The following GPR162 variants were observed in gnomAD, a reference collection of about 807,000 sequenced individuals.
The protein encoded by GPR162 is probable G protein-coupled receptor 162.
A neutral mutation model predicts 44.9 loss-of-function variants in GPR162; 26 were observed. That is an observed-to-expected ratio of 0.58 (90% confidence interval 0.42 to 0.80). The LOEUF is 0.80. GPR162 is among the 30% of genes least tolerant of loss of function. GPR162 has a pLI of 0.00. For synonymous variants in GPR162, 363 were observed against 335.2 expected (o/e 1.08, Z -0.91); for missense variants, 704 against 802.3 (o/e 0.88, Z 1.48).
rs782093890 is a variant in GPR162, at chr12:6,826,177, T to G, written c.1058-19T>G. ...AGGCATTCCCTACCTGTAACCACTC[T>G]GCCCATTTTCTCTCCTAGATGGGGG... is the stretch of plus-strand genomic sequence containing the variant. On this transcript the variant is annotated intron_variant, in intron 3 of 4. Coordinates refer to ENST00000311268, the MANE Select transcript of GPR162 (RefSeq NM_019858.2). The G allele has an allele frequency of 6.2e-7, 1 of 1,608,456 alleles. No individual in the cohort carries two copies. The highest frequency in any genetic ancestry group is 2.2e-5 in the East Asian group (1 of 44,822).
Position 6,824,318 on chromosome 12 carries a change from C to T in GPR162, c.420C>T (p.Gly140=). The T allele has an allele frequency of 6.2e-7, 1 of 1,614,068 alleles. No individual in the cohort carries two copies. The highest frequency in any genetic ancestry group is 8.5e-7 in the Non-Finnish European group (1 of 1,179,954). Residue 140 remains glycine (G), a synonymous_variant, in exon 2 of 5, where the codon GGC becomes GGT. Coordinates refer to ENST00000311268, the MANE Select transcript of GPR162 (RefSeq NM_019858.2). ...AGCAGGCACTGCATGCCGTCATGGGCATCTGGATGGTCAGCTTCATCCTCT... is the reference window on the plus strand; with the variant it reads ...AGCAGGCACTGCATGCCGTCATGGGTATCTGGATGGTCAGCTTCATCCTCT... The part of the protein sequence containing the change: ...AKKQALHAVM[G]IWMVSFILST...
At chr12:6,825,806 C>G in intron 3 of GPR162, 133 bp downstream of exon 3, 1 of 748,434 alleles carries the variant, frequency 1.3e-6, no homozygotes, top group Non-Finnish European at 2.2e-6. Context: ...CCTGGGCTCC[C>G]CTTTCCCTAA....
rs1943327238 is a variant in GPR162 at position 6,824,607 on chromosome 12, C to T, written c.709C>T (p.Pro237Ser). ...AGGPGALGTR[P>S]AFEVPAIVVE... The stretch of plus-strand genomic sequence containing the variant: ...TGGGCCAGGGGCCTTGGGTACCCGG[C>T]CAGCTTTTGAGGTACCAGCCATTGT... Residue 237 changes from proline to serine, a missense_variant, in exon 2 of 5, where the codon CCA (proline) becomes TCA (serine). Physicochemically the swap from Pro to Ser is moderately conservative, Grantham distance 74. This residue lies in a region of GPR162 where 56 missense variants were observed against 47.2 expected (regional missense o/e 1.19). Coordinates refer to ENST00000311268, the MANE Select transcript of GPR162 (RefSeq NM_019858.2). The T allele has an allele frequency of 2.5e-6, 4 of 1,610,950 alleles. No individual in the cohort carries two copies. In the African/African-American group the frequency reaches 4.0e-5, roughly 16 times the overall value.
In GPR162 at chr12:6,826,785, G is replaced by A. The variant is rs148895065; in HGVS notation, c.1348G>A (p.Gly450Arg). The A allele has an allele frequency of 1.1e-4, 171 of 1,608,990 alleles. 1 individual carries two copies. Among genetic ancestry groups the A allele is most frequent in the Non-Finnish European group, 1.4e-4 (160 of 1,177,512 alleles). The change falls in exon 5 of 5, where the codon GGG (glycine) becomes AGG (arginine). Residue 450 changes from glycine (G) to arginine (R), a missense_variant. Transcript: ENST00000311268. ...CCTCCCAGCCCAGAGCCGGGCCCTC[G>A]GGGGTCCTCCTGAGTACCTGGGACA... ...RVLPAQSRAL[G>R]GPPEYLGQRH...
chr12:6,827,006 C>T lies in GPR162; in HGVS notation c.1569C>T (p.His523=), dbSNP rs1219128012. ...CTTCTCCGACTGCCTCACCAGGGCA[C>T]TCTCCTCGTCGGCCCCGGCCACTGG... is the stretch of plus-strand genomic sequence containing the variant. The part of the protein sequence containing the change: ...PLPSPTASPG[H]SPRRPRPLGL... Residue 523 remains histidine, a synonymous_variant, in exon 5 of 5, where the codon CAC becomes CAT. Transcript: ENST00000311268. The T allele has an allele frequency of 3.7e-6, 6 of 1,613,238 alleles. No homozygotes were observed. Among genetic ancestry groups the T allele is most frequent in the Middle Eastern group, 1.6e-4 (1 of 6,084 alleles).
intron 2 of GPR162, 89 bp from the exon 3 acceptor site, chr12:6,825,395 C>T (rs782018990): frequency 2.3e-5 from 17 of 753,678 alleles, no homozygotes; most frequent in Admixed American, 1.7e-4. Context: ...TTACTTCTGA[C>T]GTCTTGCCCA....
chr12:6,824,779 C>A lies in GPR162; in HGVS notation c.867+14C>A. The A allele has an allele frequency of 6.2e-7, 1 of 1,604,564 alleles. No homozygotes were observed. The highest frequency in any genetic ancestry group is 1.1e-5 in the South Asian group (1 of 90,968). On this transcript the variant is annotated intron_variant, in intron 2 of 4. Coordinates refer to ENST00000311268, the MANE Select transcript of GPR162 (RefSeq NM_019858.2). ...GTGCCCATCTTGGTGAGATCGGGGT[C>A]CTCCCCACCTGTTCTCCCCAATATC...
chr12:6,827,152 G>A lies in GPR162; in HGVS notation c.1715G>A (p.Trp572Ter), dbSNP rs1555120476. ...GGGGGTGAAGAAAGTGCAAGGGCTT[G>A]GGGAGGATCCTGGGGCCCAGGCAAC... ...LTGGEESARA[W>*]GGSWGPGNPI... The change falls in exon 5 of 5, where the codon TGG (tryptophan) becomes TAG (stop). Residue 572 changes from tryptophan to a stop codon, truncating the protein, a stop_gained. Coordinates refer to ENST00000311268, the MANE Select transcript of GPR162 (RefSeq NM_019858.2). LOFTEE classifies it high-confidence loss of function. 1 of 1,613,078 alleles carries A rather than the reference G, an allele frequency of 6.2e-7. No individual in the cohort carries two copies.
Position 6,824,604 on chromosome 12 carries a change from C to A in GPR162, c.706C>A (p.Arg236=). 1 of 1,610,816 alleles carries A rather than the reference C, an allele frequency of 6.2e-7. No homozygotes were observed. ...KAGGPGALGT[R]PAFEVPAIVV... Reference sequence around the variant, plus strand: ...GGGTGGGCCAGGGGCCTTGGGTACCCGGCCAGCTTTTGAGGTACCAGCCAT... The same window carrying A: ...GGGTGGGCCAGGGGCCTTGGGTACCAGGCCAGCTTTTGAGGTACCAGCCAT... Residue 236 remains arginine (R), a synonymous_variant, in exon 2 of 5, where the codon CGG becomes AGG. Transcript: ENST00000311268.
chr12:6,825,457 A>T, intron 2 of GPR162, 27 bp from the exon 3 acceptor site: 2 of 1,541,240 alleles, frequency 1.3e-6, no homozygotes, highest in Non-Finnish European at 1.8e-6. Context: ...TCTGGCCCTG[A>T]CCCAGCCCGC....
chr12:6,825,704 T>G, intron 3 of GPR162, 31 bp downstream of exon 3: 1 of 1,527,332 alleles, frequency 6.5e-7, no homozygotes, highest in South Asian at 1.2e-5. Context: ...TTGGCTTTCC[T>G]GGACATCTGT....
chr12:6,826,992 G>C lies in GPR162; in HGVS notation c.1555G>C (p.Ala519Pro). Residue 519 changes from alanine to proline, a missense_variant, in exon 5 of 5, where the codon GCC (alanine) becomes CCC (proline). Ala to Pro is a conservative substitution (Grantham distance 27). Around this residue, in one of 6 missense-constraint regions of GPR162, gnomAD observed 404 missense variants for 314.1 expected, o/e 1.29. Transcript: ENST00000311268. Reference sequence around the variant, plus strand: ...TGAGACACCTCTGCCTTCTCCGACTGCCTCACCAGGGCACTCTCCTCGTCG... The same window carrying C: ...TGAGACACCTCTGCCTTCTCCGACTCCCTCACCAGGGCACTCTCCTCGTCG... ...IDETPLPSPT[A>P]SPGHSPRRPR... The C allele has an allele frequency of 1.2e-6, 2 of 1,613,272 alleles. No homozygotes were observed. The highest frequency in any genetic ancestry group is 1.7e-6 in the Non-Finnish European group (2 of 1,179,982).
rs782486011 is a variant in GPR162, at chr12:6,822,160, T to A, written c.-432+260T>A. ...TCCCTGTCCTTCACCTCCCTCTCTC[T>A]GTCCTTCACATCTTTCCTGCCTCCT... On this transcript the variant is annotated intron_variant, in intron 1 of 4. Transcript: ENST00000311268. This position sits in a 1 kb window ranked among gnomAD's most constrained non-coding sequence, Gnocchi z 4.2. Among the ~76,000 whole-genome samples, 1 of 152,276 alleles carries A rather than the reference T, an allele frequency of 6.6e-6. No homozygotes were observed. Among genetic ancestry groups the A allele is most frequent in the East Asian group, 1.9e-4 (1 of 5,168 alleles).
In GPR162 at chr12:6,824,608, C is replaced by T. The variant is rs782224057; in HGVS notation, c.710C>T (p.Pro237Leu). 1.2e-6 allele frequency: 2 copies of T among 1,611,278 alleles called. No individual in the cohort carries two copies. Among genetic ancestry groups the T allele is most frequent in the Non-Finnish European group, 1.7e-6 (2 of 1,178,444 alleles). ...GGGCCAGGGGCCTTGGGTACCCGGCCAGCTTTTGAGGTACCAGCCATTGTG... is the reference window on the plus strand; with the variant it reads ...GGGCCAGGGGCCTTGGGTACCCGGCTAGCTTTTGAGGTACCAGCCATTGTG... ...AGGPGALGTR[P>L]AFEVPAIVVE... The change falls in exon 2 of 5, where the codon CCA (proline) becomes CTA (leucine). Residue 237 changes from proline to leucine, a missense_variant. Around this residue, in one of 6 missense-constraint regions of GPR162, gnomAD observed 56 missense variants for 47.2 expected, o/e 1.19. Coordinates refer to ENST00000311268, the MANE Select transcript of GPR162 (RefSeq NM_019858.2).
At position 6,827,125 on chromosome 12, in the gene GPR162, C is replaced by CGG. The variant is rs764762878; in HGVS notation, c.1693_1694dup (p.Glu566ValfsTer22). 8.1e-6 allele frequency: 13 copies of CGG among 1,613,180 alleles called. No homozygotes were observed. The highest frequency in any genetic ancestry group is 4.4e-5 in the South Asian group (4 of 91,084). On this transcript the variant is annotated frameshift_variant, in exon 5 of 5. Transcript: ENST00000311268. LOFTEE classifies it high-confidence loss of function. ...AGCGCAGGGAGACGCTGCTCCCTGACGGGGGGTGAAGAAAGTGCAAGGGCT... is the reference window on the plus strand; with the variant it reads ...AGCGCAGGGAGACGCTGCTCCCTGACGGGGGGGGTGAAGAAAGTGCAAGGGCT...
At chr12:6,825,801 G>T in intron 3 of GPR162, 128 bp downstream of exon 3, 1 of 783,760 alleles carries the variant, frequency 1.3e-6, no homozygotes, top group Non-Finnish European at 2.0e-6. Flanking sequence ...ACCACCCTGG[G>T]CTCCCCTTTC....
In GPR162 at chr12:6,826,176, C is replaced by T. The variant is rs781819219; in HGVS notation, c.1058-20C>T. On this transcript the variant is annotated intron_variant, in intron 3 of 4. Transcript: ENST00000311268. ...TAGGCATTCCCTACCTGTAACCACT[C>T]TGCCCATTTTCTCTCCTAGATGGGG... 6.2e-7 allele frequency: 1 copy of T among 1,607,822 alleles called. No individual in the cohort carries two copies. Among genetic ancestry groups the T allele is most frequent in the Admixed American group, 1.7e-5 (1 of 59,596 alleles).
chr12:6,824,629 T>C lies in GPR162; in HGVS notation c.731T>C (p.Ile244Thr). 1.2e-6 allele frequency: 2 copies of C among 1,613,420 alleles called. No homozygotes were observed. Among genetic ancestry groups the C allele is most frequent in the Non-Finnish European group, 1.7e-6 (2 of 1,179,646 alleles). Residue 244 changes from isoleucine to threonine, a missense_variant, in exon 2 of 5, where the codon ATT (isoleucine) becomes ACT (threonine). Transcript: ENST00000311268. ...GTRPAFEVPA[I>T]VVEDARGKRR... Reference sequence around the variant, plus strand: ...CGGCCAGCTTTTGAGGTACCAGCCATTGTGGTGGAGGATGCCCGAGGGAAG... The same window carrying C: ...CGGCCAGCTTTTGAGGTACCAGCCACTGTGGTGGAGGATGCCCGAGGGAAG...
chr12:6,826,336 A>G lies in GPR162; in HGVS notation c.1198A>G (p.Arg400Gly). Reference protein sequence around the residue: ...GRHMLFPPLERVHYLQVPLSR... With the variant: ...GRHMLFPPLEGVHYLQVPLSR... ...GCACATGCTCTTCCCTCCTCTTGAGAGAGTCCACTACTTACAGGTATGGAA... is the reference window on the plus strand; with the variant it reads ...GCACATGCTCTTCCCTCCTCTTGAGGGAGTCCACTACTTACAGGTATGGAA... The change falls in exon 4 of 5, where the codon AGA becomes GGA. Residue 400 changes from arginine to glycine, a missense_variant. Transcript: ENST00000311268. The G allele has an allele frequency of 6.2e-7, 1 of 1,613,204 alleles. No homozygotes were observed. The highest frequency in any genetic ancestry group is 1.1e-5 in the South Asian group (1 of 91,052).
Sources: allele counts gnomAD v4.1 joint callset (sites outside exome capture counted in the v4.1 genomes callset), GRCh38; gene constraint gnomAD v4.1.1; regional missense constraint gnomAD v4.1.1; non-coding constraint Gnocchi (gnomAD v3.1); transcripts MANE v1.5; gene names NCBI Gene and HGNC (gene_info 2026-07-23, HGNC 2026-07-21).